Variants in EARS2 observed in about 807,000 individuals in gnomAD.
The protein encoded by EARS2 is glutamyl-tRNA synthetase 2, mitochondrial, also known as nondiscriminating glutamyl-tRNA synthetase EARS2, mitochondrial.
A neutral mutation model predicts 54.1 loss-of-function variants in EARS2; 50 were observed. The ratio of observed to expected loss-of-function variants is 0.92; its 90% CI spans 0.74 to 1.17. The LOEUF (loss-of-function observed/expected upper bound fraction) is 1.17. Among genes scored for constraint, EARS2 ranks in the 50% most tolerant of loss-of-function variants. EARS2 has a pLI of 0.00. For missense variants in EARS2, 673 were observed against 675.0 expected (o/e 1.00, Z 0.03); for synonymous variants, 298 against 281.0 (o/e 1.06, Z -0.61).
chr16:23,530,310 G>A (rs189197977), intron 5 of EARS2, among the ~76,000 whole-genome samples: 7 of 152,150 alleles, frequency 4.6e-5, no homozygotes, highest in African/African-American at 1.7e-4. Flanking sequence ...GTTTTTTGTA[G>A]AGACAGGGTC....
intron 5 of EARS2, 135 bp downstream of exon 5, chr16:23,532,522 G>A (rs1383334699): frequency 5.2e-6 from 3 of 576,272 alleles, no homozygotes; most frequent in Non-Finnish European, 9.4e-6. Context: ...AGAAAACAGA[G>A]GCTCAAAGAG....
At chr16:23,526,269 C>T (rs993923171) in intron 7 of EARS2, among the ~76,000 whole-genome samples, 10 of 151,830 alleles carry the variant, frequency 6.6e-5, no homozygotes, top group Admixed American at 2.6e-4. Flanking sequence ...CGTGCCACCA[C>T]GCCCAGCTAA....
Position 23,555,744 on chromosome 16 carries a change from G to A in EARS2, c.139+1461C>T, listed in dbSNP as rs187040248. ...CACTCTGTCACCCGGGCTGCAGTGC[G>A]GTGGCACGATCTCGGCTCACTGCAA... On this transcript the variant is annotated intron_variant, in intron 1 of 8. Transcript: ENST00000449606. 3.1e-3 allele frequency among the ~76,000 whole-genome samples: 475 copies of A among 152,280 alleles called. 1 individual carries two copies. The highest frequency in any genetic ancestry group is 5.6e-3 in the Non-Finnish European group (384 of 68,018).
intron 1 of EARS2, among the ~76,000 whole-genome samples, chr16:23,554,698 A>G (rs544203705): frequency 6.6e-6 from 1 of 152,348 alleles, no homozygotes; most frequent in Non-Finnish European, 1.5e-5. Context: ...TCCCCAAGAC[A>G]AAAGAGGAAC....
At chr16:23,544,736 C>T (rs1047461506) in intron 2 of EARS2, 33 bp from the exon 3 acceptor site, 5 of 1,551,682 alleles carry the variant, frequency 3.2e-6, no homozygotes, top group Admixed American at 3.9e-5. Flanking sequence ...AGCTAAGGTG[C>T]ACACAGCGCT....
chr16:23,556,052 G>C (rs1229861678), intron 1 of EARS2, among the ~76,000 whole-genome samples: 1 of 152,202 alleles, frequency 6.6e-6, no homozygotes, highest in Non-Finnish European at 1.5e-5. Flanking sequence ...TTTAAAACCA[G>C]CACTTCCACA....
intron 1 of EARS2, among the ~76,000 whole-genome samples, chr16:23,553,644 C>A (rs1006994895): frequency 6.6e-6 from 1 of 152,048 alleles, no homozygotes; most frequent in African/African-American, 2.4e-5. Context: ...TTAATCCCAG[C>A]ACTTTGGGAG....
At chr16:23,543,197 T>C (rs915135345) in intron 3 of EARS2, among the ~76,000 whole-genome samples, 13 of 148,988 alleles carry the variant, frequency 8.7e-5, no homozygotes, top group African/African-American at 1.0e-4. Flanking sequence ...GGTGGGAGGA[T>C]TGCTTGAGGC....
At chr16:23,531,958 AGCATGTGCCAT>A (rs1965334225) in intron 5 of EARS2, among the ~76,000 whole-genome samples, 1 of 152,164 alleles carries the variant, frequency 6.6e-6, no homozygotes, top group Non-Finnish European at 1.5e-5. Flanking sequence ...CGGGACTACA[AGCATGTGCCAT>A]GTCCAGCTAA....
intron 1 of EARS2, among the ~76,000 whole-genome samples, chr16:23,556,532 T>A (rs754453840): frequency 7.9e-5 from 12 of 152,174 alleles, no homozygotes; most frequent in Non-Finnish European, 1.5e-4. Flanking sequence ...TTTTGTATTT[T>A]TAGTAGAGAC....
In EARS2 at chr16:23,553,701, C is replaced by A. The variant is rs145606711; in HGVS notation, c.140-1397G>T. Among the ~76,000 whole-genome samples the A allele has an allele frequency of 4.1e-3, 628 of 152,042 alleles. 1 individual carries two copies. The highest frequency in any genetic ancestry group is 0.01 in the Middle Eastern group (3 of 294). On this transcript the variant is annotated intron_variant, in intron 1 of 8. Transcript: ENST00000449606. Reference sequence around the variant, plus strand: ...AGTCAGGAGTTTGAGGCCAGCCTGGCCAACATGTTGAAACCCCGTCTCTAC... The same window carrying A: ...AGTCAGGAGTTTGAGGCCAGCCTGGACAACATGTTGAAACCCCGTCTCTAC...
In EARS2 at chr16:23,534,883, C is replaced by T. The variant is rs200441317; in HGVS notation, c.958+5G>A. The T allele has an allele frequency of 1.7e-5, 27 of 1,563,526 alleles. No individual in the cohort carries two copies. Among genetic ancestry groups the T allele is most frequent in the South Asian group, 1.6e-4 (13 of 81,716 alleles). On this transcript the variant is annotated splice_donor_5th_base_variant and intron_variant, in intron 4 of 8. Transcript: ENST00000449606. ...GCTGCCAGGACTATTCAGGTGGGCA[C>T]GTACCTGCAAAACCTGAGCCACAGT...
chr16:23,550,208 G>A (rs895812889), intron 2 of EARS2, among the ~76,000 whole-genome samples: 1 of 151,822 alleles, frequency 6.6e-6, no homozygotes, highest in African/African-American at 2.4e-5. Context: ...AAAAACATAA[G>A]TTAATAAAAT....
At chr16:23,525,622 C>T (rs1390489827) in intron 7 of EARS2, among the ~76,000 whole-genome samples, 1 of 152,138 alleles carries the variant, frequency 6.6e-6, no homozygotes, top group African/African-American at 2.4e-5. Flanking sequence ...TAAGAGGTGC[C>T]ATAAGAGGCT....
intron 1 of EARS2, 168 bp downstream of exon 1, chr16:23,557,037 T>C: frequency 9.7e-7 from 1 of 1,030,198 alleles, no homozygotes; most frequent in Non-Finnish European, 1.4e-6. Context: ...TTGAATTATT[T>C]CCGCTCCTGC....
At chr16:23,545,899 T>A (rs1463020484) in intron 2 of EARS2, among the ~76,000 whole-genome samples, 1 of 152,126 alleles carries the variant, frequency 6.6e-6, no homozygotes, top group Non-Finnish European at 1.5e-5. Flanking sequence ...CATAGCTCAC[T>A]ACAGTCTCCA....
chr16:23,538,131 A>G (rs535046897), intron 3 of EARS2, among the ~76,000 whole-genome samples: 9 of 151,092 alleles, frequency 6.0e-5, no homozygotes, highest in East Asian at 2.0e-4. Flanking sequence ...AGAAAACTGT[A>G]AAGTCTGAGC....
At chr16:23,556,247 ATC>A (rs1225392470) in intron 1 of EARS2, among the ~76,000 whole-genome samples, 2 of 152,218 alleles carry the variant, frequency 1.3e-5, no homozygotes, top group East Asian at 3.9e-4. Context: ...CCCTGACGAG[ATC>A]TCCAACAGGC....
At position 23,521,640 on chromosome 16, in the gene EARS2, GCCTACCA is replaced by G. The variant is rs1489286418; in HGVS notation, c.*2724_*2730del. On this transcript the variant is annotated 3_prime_UTR_variant, in exon 9 of 9. Transcript: ENST00000449606. ...TCTCCAAACTCCTGGCCTTTGACAA[GCCTACCA>G]CCTTTGCCTCACAAAGCATTAGGAC... 6.6e-6 allele frequency among the ~76,000 whole-genome samples: 1 copy of G among 152,146 alleles called. No individual in the cohort carries two copies. Among genetic ancestry groups the G allele is most frequent in the African/African-American group, 2.4e-5 (1 of 41,434 alleles).
Sources: gnomAD v4.1 joint callset for allele counts (sites outside exome capture counted in the v4.1 genomes callset) on GRCh38, gnomAD v4.1.1 for gene constraint, MANE v1.5 for transcripts, NCBI Gene and HGNC (gene_info 2026-07-23, HGNC 2026-07-21) for gene names.